TRPC4: variants seen among roughly 807,000 people sequenced by gnomAD.
TRPC4 encodes short transient receptor potential channel 4.
Under a neutral mutation model 99.4 loss-of-function variants are expected in TRPC4, and 49 were observed. The observed-to-expected ratio is 0.49, with a 90% CI of 0.39 to 0.63. TRPC4 has a LOEUF of 0.63. Among genes scored for constraint, TRPC4 ranks in the 20% least tolerant of loss-of-function variants. The probability of loss-of-function intolerance (pLI) is 0.00; values close to 1 mark genes in which losing one functional copy is unlikely to be tolerated. For missense variants in TRPC4, 898 were observed against 1,152.9 expected (o/e 0.78, Z 3.20); for synonymous variants, 454 against 425.9 (o/e 1.07, Z -0.81).
rs1951441542 is a variant in TRPC4 at position 37,633,680 on chromosome 13, G to T, written c.*3223C>A. Among the ~76,000 whole-genome samples the T allele has an allele frequency of 6.6e-6, 1 of 152,108 alleles. No individual in the cohort carries two copies. Among genetic ancestry groups the T allele is most frequent in the African/African-American group, 2.4e-5 (1 of 41,436 alleles). On this transcript the variant is annotated 3_prime_UTR_variant, in exon 11 of 11. Coordinates refer to ENST00000379705, the MANE Select transcript of TRPC4 (RefSeq NM_016179.4). ...CAAGTTGCTGTCTACGTCAAGGCAA[G>T]AAAGTGAGTATGTTTTTGCATTAGT...
In TRPC4 at chr13:37,637,606, G is replaced by A. The variant is rs1392188955; in HGVS notation, c.2231C>T (p.Ser744Phe). 9 of 1,591,008 alleles carry A rather than the reference G, an allele frequency of 5.7e-6. No homozygotes were observed. In the East Asian group the frequency reaches 2.0e-4, roughly 36 times the overall value. The change falls in exon 11 of 11, where the codon TCT (serine) becomes TTT (phenylalanine). Residue 744 changes from serine to phenylalanine, a missense_variant. By Grantham distance (155) the Ser-to-Phe change is radical (BLOSUM62 -2). Coordinates refer to ENST00000379705, the MANE Select transcript of TRPC4 (RefSeq NM_016179.4). Reference protein sequence around the residue: ...ENFKELKQDISSFRFEVLGLL... With the variant: ...ENFKELKQDIFSFRFEVLGLL... Reference sequence around the variant, plus strand: ...TCCCAGGACTTCAAAGCGGAAACTAGAAATGTCTTGCTTTAGTTCCTACGT... The same window carrying A: ...TCCCAGGACTTCAAAGCGGAAACTAAAAATGTCTTGCTTTAGTTCCTACGT...
At chr13:37,720,882 C>T (rs1954846042) in intron 3 of TRPC4, among the ~76,000 whole-genome samples, 1 of 152,150 alleles carries the variant, frequency 6.6e-6, no homozygotes, top group African/African-American at 2.4e-5. Context: ...TTGGTGCAGT[C>T]TAATCTCTAA....
At chr13:37,757,519 C>T (rs1956125970) in intron 2 of TRPC4, among the ~76,000 whole-genome samples, 1 of 151,834 alleles carries the variant, frequency 6.6e-6, no homozygotes, top group Non-Finnish European at 1.5e-5. Flanking sequence ...ATTCGGAGGA[C>T]TTTCTGGAAA....
At chr13:37,732,238 G>C (rs144966291) in intron 3 of TRPC4, among the ~76,000 whole-genome samples, 1 of 152,136 alleles carries the variant, frequency 6.6e-6, no homozygotes, top group South Asian at 2.1e-4. Context: ...ATATAGAAGA[G>C]AGAGAACCAG....
intron 1 of TRPC4, among the ~76,000 whole-genome samples, chr13:37,841,938 T>C (rs945109345): frequency 5.3e-5 from 8 of 152,040 alleles, no homozygotes. Flanking sequence ...CATCTTAAAA[T>C]CATAAAATTT....
At chr13:37,819,726 C>T (rs996192811) in intron 1 of TRPC4, among the ~76,000 whole-genome samples, 4 of 151,702 alleles carry the variant, frequency 2.6e-5, no homozygotes, top group East Asian at 1.9e-4. Flanking sequence ...GGGTACTAGG[C>T]TTAATACTTG....
chr13:37,723,974 G>T lies in TRPC4; in HGVS notation c.897+21963C>A, dbSNP rs943662206. 5.3e-5 allele frequency among the ~76,000 whole-genome samples: 8 copies of T among 152,210 alleles called. No homozygotes were observed. The South Asian group carries it at 6.2e-4, about 12-fold the overall frequency. ...AGACAAACTGGCTTATAAATGCAAA[G>T]ATTCTTTTACAAGAAAGTTAACTGA... On this transcript the variant is annotated intron_variant, in intron 3 of 10. Coordinates refer to ENST00000379705, the MANE Select transcript of TRPC4 (RefSeq NM_016179.4).
At chr13:37,823,939 T>G (rs1272418337) in intron 1 of TRPC4, among the ~76,000 whole-genome samples, 8 of 148,588 alleles carry the variant, frequency 5.4e-5, no homozygotes, top group Non-Finnish European at 8.9e-5. Context: ...GTATCCTCTT[T>G]TATTTCATTG....
intron 7 of TRPC4, 68 bp from the exon 8 acceptor site, chr13:37,651,527 G>C: frequency 1.4e-6 from 2 of 1,448,850 alleles, no homozygotes; most frequent in South Asian, 1.2e-5. Flanking sequence ...ATCTCACAGA[G>C]ATCCTGTAAC....
intron 3 of TRPC4, among the ~76,000 whole-genome samples, chr13:37,698,262 G>C (rs959695491): frequency 7.1e-6 from 1 of 141,614 alleles, no homozygotes; most frequent in Non-Finnish European, 1.5e-5. Flanking sequence ...CCGGGTTCTT[G>C]CCATTCTCCT....
chr13:37,637,712 T>C (rs1951580576), intron 10 of TRPC4, 87 bp from the exon 11 acceptor site: 8 of 1,281,176 alleles, frequency 6.2e-6, no homozygotes, highest in Non-Finnish European at 8.5e-6. Flanking sequence ...GTCAGAAATG[T>C]TTTCACTCCT....
At chr13:37,747,651 G>A (rs964436157) in intron 2 of TRPC4, among the ~76,000 whole-genome samples, 10 of 152,000 alleles carry the variant, frequency 6.6e-5, no homozygotes, top group African/African-American at 2.4e-4. Context: ...TTAAATATAG[G>A]TACATTTTTA....
At position 37,633,630 on chromosome 13, in the gene TRPC4, A is replaced by C. The variant is rs1593395314; in HGVS notation, c.*3273T>G. ...AGTCTACTATCCTTGACTTTTCATCAATTTGTTTCATCACTAAAGTATTTC... is the reference window on the plus strand; with the variant it reads ...AGTCTACTATCCTTGACTTTTCATCCATTTGTTTCATCACTAAAGTATTTC... On this transcript the variant is annotated 3_prime_UTR_variant, in exon 11 of 11. Transcript: ENST00000379705. Among the ~76,000 whole-genome samples the C allele has an allele frequency of 6.6e-6, 1 of 152,150 alleles. No homozygotes were observed.
At chr13:37,727,928 T>C (rs759540104) in intron 3 of TRPC4, among the ~76,000 whole-genome samples, 18 of 152,054 alleles carry the variant, frequency 1.2e-4, no homozygotes, top group Non-Finnish European at 2.2e-4. Context: ...ATTAACTGAA[T>C]GAATTTAAAA....
chr13:37,709,197 C>G (rs1009953381), intron 3 of TRPC4, among the ~76,000 whole-genome samples: 1 of 151,812 alleles, frequency 6.6e-6, no homozygotes. Context: ...GGTATTTAGA[C>G]TGAGAATATG....
chr13:37,710,014 CA>C (rs1343000538), intron 3 of TRPC4, among the ~76,000 whole-genome samples: 1 of 151,740 alleles, frequency 6.6e-6, no homozygotes, highest in African/African-American at 2.4e-5. Context: ...AAAAGAAAGA[CA>C]AATAAGCAAT....
rs113792566 is a variant in TRPC4, at chr13:37,767,405, C to T, written c.378+15551G>A. Reference sequence around the variant, plus strand: ...TTTGTAGAGAAAATTGGGAGCAAGTCTTTATATACATATATTTTTAGCAAA... The same window carrying T: ...TTTGTAGAGAAAATTGGGAGCAAGTTTTTATATACATATATTTTTAGCAAA... On this transcript the variant is annotated intron_variant, in intron 2 of 10. Transcript: ENST00000379705. Among the ~76,000 whole-genome samples, 1,407 of 151,088 alleles carry T rather than the reference C, an allele frequency of 9.3e-3. 11 individuals carry two copies. The highest frequency in any genetic ancestry group is 0.023 in the South Asian group (110 of 4,812).
intron 2 of TRPC4, among the ~76,000 whole-genome samples, chr13:37,779,171 C>T (rs1014463011): frequency 6.6e-5 from 10 of 152,046 alleles, no homozygotes; most frequent in African/African-American, 2.4e-4. Flanking sequence ...GAAATTAAAT[C>T]TGGACTTAGA....
intron 1 of TRPC4, among the ~76,000 whole-genome samples, chr13:37,791,260 G>A (rs1423798434): frequency 6.6e-6 from 1 of 151,964 alleles, no homozygotes; most frequent in Non-Finnish European, 1.5e-5. Context: ...GCCGGGCATA[G>A]TGGCATGCAC....
Sources: allele counts gnomAD v4.1 joint callset (sites outside exome capture counted in the v4.1 genomes callset), GRCh38; gene constraint gnomAD v4.1.1; transcripts MANE v1.5; gene names NCBI Gene and HGNC (gene_info 2026-07-23, HGNC 2026-07-21).